Variants in KDM6A observed in about 807,000 individuals in gnomAD.
KDM6A encodes lysine demethylase 6A.
In KDM6A, 11 loss-of-function variants were observed where a neutral mutation model predicts 117.6. That is an observed-to-expected ratio of 0.09 (90% CI 0.06 to 0.15). The LOEUF is 0.15. Among genes scored for constraint, KDM6A ranks in the 10% least tolerant of loss-of-function variants. The pLI is 1.00. For synonymous variants in KDM6A, 384 were observed against 396.1 expected (o/e 0.97, Z 0.36); for missense variants, 799 against 1,077.3 (o/e 0.74, Z 3.62).
At chrX:45,004,222 T>G (rs1047328642) in intron 4 of KDM6A, among the ~76,000 whole-genome samples, 1 of 110,835 alleles carries the variant, frequency 9.0e-6, no homozygotes, top group Non-Finnish European at 1.9e-5. Context: ...TTAGGGGGCC[T>G]GGTAGATGAG....
rs778673328 is a variant in KDM6A, at chrX:45,032,228, T to C, written c.565-2703T>C. On this transcript the variant is annotated intron_variant, in intron 6 of 29. Coordinates refer to ENST00000611820, the MANE Select transcript of KDM6A (RefSeq NM_001291415.2). ...CACAGATGTTTCCTAGCTGCCTCTGTTGGTTGCAGGGAAAGGTGCTGGATA... is the reference window on the plus strand; with the variant it reads ...CACAGATGTTTCCTAGCTGCCTCTGCTGGTTGCAGGGAAAGGTGCTGGATA... Among the ~76,000 whole-genome samples the C allele has an allele frequency of 2.1e-4, 24 of 111,991 alleles. No individual in the cohort carries two copies. In the South Asian group the frequency reaches 8.5e-3, roughly 40 times the overall value.
intron 8 of KDM6A, among the ~76,000 whole-genome samples, chrX:45,040,766 G>C (rs1449944583): frequency 1.6e-5 from 1 of 61,332 alleles, no homozygotes; most frequent in Non-Finnish European, 3.1e-5. Flanking sequence ...CTGGCCGGGC[G>C]GGGGGCTGAC....
chrX:45,029,640 G>A (rs56040723), intron 6 of KDM6A, among the ~76,000 whole-genome samples: 2,236 of 109,583 alleles, frequency 0.02, 24 homozygotes, highest in South Asian at 0.04. Context: ...ATTTTAAAAG[G>A]ATATTCTACA....
intron 6 of KDM6A, among the ~76,000 whole-genome samples, chrX:45,021,174 G>C (rs1260222381): frequency 9.5e-6 from 1 of 105,421 alleles, no homozygotes; most frequent in Non-Finnish European, 1.9e-5. Flanking sequence ...ATTTAAATTA[G>C]AAAAAAGAGT....
intron 27 of KDM6A, among the ~76,000 whole-genome samples, chrX:45,097,823 C>G (rs898568790): frequency 1.8e-5 from 2 of 112,000 alleles, no homozygotes; most frequent in Non-Finnish European, 3.8e-5. Flanking sequence ...TTTAGTAAAT[C>G]TCTTCAAATT....
intron 2 of KDM6A, among the ~76,000 whole-genome samples, chrX:44,946,314 C>T (rs1033224049): frequency 5.4e-5 from 6 of 111,693 alleles, no homozygotes; most frequent in African/African-American, 2.0e-4. Flanking sequence ...TGGTCTCGAA[C>T]TGCTGACCTC....
At chrX:44,998,155 C>T (rs2040958881) in intron 4 of KDM6A, among the ~76,000 whole-genome samples, 2 of 111,517 alleles carry the variant, frequency 1.8e-5, no homozygotes, top group Admixed American at 9.5e-5. Context: ...GGAGAGAGAG[C>T]CTACAGTTTG....
intron 8 of KDM6A, among the ~76,000 whole-genome samples, chrX:45,039,664 G>A (rs1233556115): frequency 5.2e-5 from 4 of 76,217 alleles, no homozygotes; most frequent in African/African-American, 9.7e-5. Flanking sequence ...GCGGCCTTCC[G>A]CAGTGTTTGT....
chrX:45,043,705 G>A (rs2043394271), intron 8 of KDM6A, among the ~76,000 whole-genome samples: 1 of 111,016 alleles, frequency 9.0e-6, no homozygotes, highest in Non-Finnish European at 1.9e-5. Context: ...TGAACCCGGG[G>A]AGGCGGAGGT....
chrX:45,035,360 C>T (rs759445864), intron 7 of KDM6A, among the ~76,000 whole-genome samples: 3 of 111,554 alleles, frequency 2.7e-5, no homozygotes, highest in African/African-American at 9.8e-5. Flanking sequence ...ATTCCTACTG[C>T]GTGGGATAAA....
intron 18 of KDM6A, among the ~76,000 whole-genome samples, chrX:45,074,227 G>A (rs2045005547): frequency 9.0e-6 from 1 of 111,181 alleles, no homozygotes; most frequent in African/African-American, 3.3e-5. Context: ...CTGTTCCATT[G>A]GTCTATATCT....
chrX:44,963,499 C>G (rs7888002), intron 3 of KDM6A, among the ~76,000 whole-genome samples: 3,139 of 80,932 alleles, frequency 0.039, 85 homozygotes, highest in African/African-American at 0.08. Context: ...GTCTGTCTGT[C>G]TCTGTCTGTC....
chrX:44,984,579 A>G (rs371912296), intron 4 of KDM6A, among the ~76,000 whole-genome samples: 14 of 111,378 alleles, frequency 1.3e-4, no homozygotes, highest in South Asian at 3.8e-4. Context: ...ATCTTGAATT[A>G]ATTTTTGTAT....
At chrX:45,035,701 A>ATTC (rs1426964896) in intron 7 of KDM6A, among the ~76,000 whole-genome samples, 1 of 109,583 alleles carries the variant, frequency 9.1e-6, no homozygotes, top group Non-Finnish European at 1.9e-5. Flanking sequence ...TATTATTATT[A>ATTC]TTATTTTCTT....
chrX:44,901,365 T>A (rs192626003), intron 2 of KDM6A, among the ~76,000 whole-genome samples: 73 of 108,914 alleles, frequency 6.7e-4, no homozygotes, highest in African/African-American at 2.2e-3. Flanking sequence ...CAAAAAAATA[T>A]ATATATATAT....
Position 45,063,446 on chromosome X carries a change from G to A in KDM6A, c.1708G>A (p.Val570Ile). 8 of 1,206,836 alleles carry A rather than the reference G, an allele frequency of 6.6e-6. No individual in the cohort carries two copies. The highest frequency in any genetic ancestry group is 8.9e-6 in the Non-Finnish European group (8 of 894,827). Residue 570 changes from valine to isoleucine, a missense_variant, in exon 17 of 30, where the codon GTA becomes ATA. Physicochemically the swap from Val to Ile is conservative, Grantham distance 29 (BLOSUM62 3). Transcript: ENST00000611820. ...HQMRPTGVAQ[V>I]RSTGIPNGPT... Reference sequence around the variant, plus strand: ...GATGAGACCAACAGGAGTTGCACAGGTACGATCTACTGGAATTCCTAATGG... The same window carrying A: ...GATGAGACCAACAGGAGTTGCACAGATACGATCTACTGGAATTCCTAATGG...
intron 2 of KDM6A, among the ~76,000 whole-genome samples, chrX:44,928,704 TCACTATTTG>T (rs1317698549): frequency 9.0e-6 from 1 of 111,260 alleles, no homozygotes; most frequent in East Asian, 2.8e-4. Context: ...ATAGCTTTCT[TCACTATTTG>T]AATTTTCTAC....
intron 3 of KDM6A, among the ~76,000 whole-genome samples, chrX:44,963,956 T>C (rs2038870648): frequency 9.2e-6 from 1 of 108,869 alleles, no homozygotes; most frequent in Admixed American, 9.8e-5. Flanking sequence ...TGACCTCAGG[T>C]GATCTGCCTA....
intron 2 of KDM6A, among the ~76,000 whole-genome samples, chrX:44,886,151 G>A (rs1358388579): frequency 9.2e-6 from 1 of 108,529 alleles, no homozygotes; most frequent in Non-Finnish European, 1.9e-5. Flanking sequence ...TTCATCTCCC[G>A]GGTTCAAGCG....
Sources: gnomAD v4.1 joint callset for allele counts (sites outside exome capture counted in the v4.1 genomes callset) on GRCh38, gnomAD v4.1.1 for gene constraint, MANE v1.5 for transcripts, NCBI Gene and HGNC (gene_info 2026-07-23, HGNC 2026-07-21) for gene names.